CLDN10: variants seen among roughly 807,000 people sequenced by gnomAD.
CLDN10 encodes claudin 10, also known as claudin-10.
In CLDN10, 15 loss-of-function variants were observed where a neutral mutation model predicts 22.9. The ratio of observed to expected loss-of-function variants is 0.65; its 90% CI spans 0.44 to 1.01. CLDN10 has a LOEUF of 1.01. Among genes scored for constraint, CLDN10 ranks in the 50% least tolerant of loss-of-function variants. CLDN10 has a pLI of 0.00. For synonymous variants in CLDN10, 114 were observed against 111.4 expected, an observed-to-expected ratio of 1.02 and a Z score of -0.15; for missense variants, 247 against 287.8, an observed-to-expected ratio of 0.86 and a Z score of 1.03.
rs2043987283 is a variant in CLDN10, at chr13:95,579,671, A to G, written c.*1657A>G. The G allele has an allele frequency of 6.6e-6, 1 of 152,244 alleles. No individual in the cohort carries two copies. Among genetic ancestry groups the G allele is most frequent in the Admixed American group, 6.5e-5 (1 of 15,286 alleles). 9.4% of individuals were successfully genotyped at this position (152,244 alleles called of 1,614,324 possible). ...AAGTGTGAAAGACTTAAAAAAAAGA[A>G]TCACATTGTTCAGAGGTGCTCAATG... On this transcript the variant is annotated 3_prime_UTR_variant, in exon 5 of 5. Coordinates refer to ENST00000299339, the MANE Select transcript of CLDN10 (RefSeq NM_006984.5).
intron 1 of CLDN10, among the ~76,000 whole-genome samples, chr13:95,450,652 T>G (rs186939753): frequency 5.3e-5 from 8 of 152,292 alleles, no homozygotes; most frequent in African/African-American, 1.9e-4. Context: ...ATCTGCTGCT[T>G]CTTCAGACTG....
Position 95,463,285 on chromosome 13 carries a change from A to AAAT in CLDN10, c.214+29239_214+29240insATA, listed in dbSNP as rs1491334890. Among the ~76,000 whole-genome samples the AAAT allele has an allele frequency of 6.6e-3, 265 of 40,094 alleles. 15 individuals are homozygous for AAAT. The highest frequency in any genetic ancestry group is 0.012 in the Non-Finnish European group (236 of 19,254). 26.3% of individuals were successfully genotyped at this position (40,094 alleles called of 152,430 possible). ...AGTTGAGTCAAAAGTGCAAATGCTT[A>AAAT]ATATATATATATATATATATATATA... On this transcript the variant is annotated intron_variant, in intron 1 of 4. Transcript: ENST00000376873.
intron 1 of CLDN10, among the ~76,000 whole-genome samples, chr13:95,468,934 C>A (rs1241224438): frequency 2.0e-5 from 3 of 151,990 alleles, no homozygotes; most frequent in African/African-American, 4.8e-5. Flanking sequence ...TTATATTTTT[C>A]TTGCACTGAA....
At chr13:95,542,057 G>T (rs1023148733) in intron 1 of CLDN10, among the ~76,000 whole-genome samples, 1 of 152,224 alleles carries the variant, frequency 6.6e-6, no homozygotes, top group Non-Finnish European at 1.5e-5. Context: ...TGAAGTGGAA[G>T]CTTGCATGTC....
chr13:95,544,583 T>C (rs1490088495), intron 1 of CLDN10, among the ~76,000 whole-genome samples: 1 of 152,184 alleles, frequency 6.6e-6, no homozygotes, highest in Non-Finnish European at 1.5e-5. Context: ...GGTGTGTCTG[T>C]TATCAGTCTG....
chr13:95,569,861 T>C (rs1183284899), intron 3 of CLDN10, among the ~76,000 whole-genome samples: 1 of 150,272 alleles, frequency 6.7e-6, no homozygotes, highest in Non-Finnish European at 1.5e-5. Context: ...CACCGCCTCC[T>C]GGGTTCACGC....
At chr13:95,477,475 C>T (rs998003037) in intron 1 of CLDN10, among the ~76,000 whole-genome samples, 1 of 152,052 alleles carries the variant, frequency 6.6e-6, no homozygotes, top group African/African-American at 2.4e-5. Context: ...CCGGAGGACT[C>T]CTTCCAGGGG....
chr13:95,560,300 A>G lies in CLDN10; in HGVS notation c.382+7A>G. ...ATTGTATTCATACTGTCAGGTAAAT[A>G]GTAACTTTCTTCCAAACAAGGTACT... On this transcript the variant is annotated splice_region_variant and intron_variant, in intron 2 of 4. Coordinates refer to ENST00000299339, the MANE Select transcript of CLDN10 (RefSeq NM_006984.5). 4 of 1,614,012 alleles carry G rather than the reference A, an allele frequency of 2.5e-6. No individual in the cohort carries two copies. Among genetic ancestry groups the G allele is most frequent in the Non-Finnish European group, 3.4e-6 (4 of 1,179,854 alleles).
intron 3 of CLDN10, among the ~76,000 whole-genome samples, chr13:95,570,858 G>GTGTGTGTATATATA (rs60359070): frequency 8.4e-6 from 1 of 119,706 alleles, no homozygotes; most frequent in Non-Finnish European, 1.7e-5. Context: ...ATATACGTGT[G>GTGTGTGTATATATA]TATATATATA....
chr13:95,476,538 G>T (rs769396143), intron 1 of CLDN10, among the ~76,000 whole-genome samples: 1 of 152,118 alleles, frequency 6.6e-6, no homozygotes, highest in Non-Finnish European at 1.5e-5. Context: ...ATCACCTTGG[G>T]CATTTGGATT....
intron 1 of CLDN10, among the ~76,000 whole-genome samples, chr13:95,471,163 G>T (rs1372356818): frequency 6.6e-6 from 1 of 152,038 alleles, no homozygotes; most frequent in Non-Finnish European, 1.5e-5. Flanking sequence ...TTCCAGGCAG[G>T]GGAAAGACAG....
intron 1 of CLDN10, among the ~76,000 whole-genome samples, chr13:95,460,310 C>T (rs906108420): frequency 2.0e-5 from 3 of 152,182 alleles, no homozygotes; most frequent in Non-Finnish European, 4.4e-5. Context: ...TTACAGGTAT[C>T]TTTATAGCAG....
At chr13:95,541,315 C>T (rs2043458077) in intron 1 of CLDN10, among the ~76,000 whole-genome samples, 2 of 152,168 alleles carry the variant, frequency 1.3e-5, no homozygotes, top group Admixed American at 6.5e-5. Context: ...CGCAAGTGAG[C>T]ATAATTAGGA....
intron 1 of CLDN10, among the ~76,000 whole-genome samples, chr13:95,520,454 AC>A (rs1287516139): frequency 2.0e-5 from 3 of 152,132 alleles, no homozygotes; most frequent in African/African-American, 7.2e-5. Context: ...GCTCACTGCA[AC>A]CTCTGCCTCC....
upstream of CLDN10, among the ~76,000 whole-genome samples, chr13:95,551,096 GTACCCATTCACGAAAGCCA>G: frequency 6.6e-6 from 1 of 152,026 alleles, no homozygotes; most frequent in African/African-American, 2.4e-5. Flanking sequence ...TGTCACCCTT[GTACCCATTCACGAAAGCCA>G]TGGGACCATT....
At chr13:95,576,620 C>G (rs1384344880) in intron 3 of CLDN10, among the ~76,000 whole-genome samples, 2 of 152,178 alleles carry the variant, frequency 1.3e-5, no homozygotes, top group Non-Finnish European at 2.9e-5. Context: ...TCGTGGCCTT[C>G]CCAGGGGAAG....
At chr13:95,445,329 T>A (rs946344958) in intron 1 of CLDN10, among the ~76,000 whole-genome samples, 1 of 152,206 alleles carries the variant, frequency 6.6e-6, no homozygotes, top group African/African-American at 2.4e-5. Flanking sequence ...AAAGGGACCT[T>A]TAAGCCCTAC....
intron 1 of CLDN10, among the ~76,000 whole-genome samples, chr13:95,482,181 C>T (rs532232123): frequency 6.6e-6 from 1 of 152,252 alleles, no homozygotes; most frequent in South Asian, 2.1e-4. Flanking sequence ...CAAAACGTCC[C>T]ATGTACCCCA....
intron 3 of CLDN10, among the ~76,000 whole-genome samples, 166 bp from the exon 4 acceptor site, chr13:95,577,065 G>GGAA (rs2043942241): frequency 6.6e-6 from 1 of 152,036 alleles, no homozygotes; most frequent in South Asian, 2.1e-4. Flanking sequence ...AAACACTTTG[G>GGAA]GAAGAGTTTA....
Sources: gnomAD v4.1 joint callset for allele counts (sites outside exome capture counted in the v4.1 genomes callset) on GRCh38, gnomAD v4.1.1 for gene constraint, MANE v1.5 for transcripts, NCBI Gene and HGNC (gene_info 2026-07-23, HGNC 2026-07-21) for gene names.